Variants in MBD5 observed in about 807,000 individuals in gnomAD.
MBD5 encodes the protein methyl-CpG binding domain protein 5, also known as methyl-CpG-binding domain protein 5.
MBD5 carries 13 observed loss-of-function variants against 117.3 expected under a neutral mutation model. The observed-to-expected ratio is 0.11, with a 90% CI of 0.07 to 0.18. The LOEUF (loss-of-function observed/expected upper bound fraction) is 0.18, where lower values mean the gene tolerates loss of function less well. Ranked by LOEUF, MBD5 falls within the 10% of genes least tolerant of loss-of-function variation. The probability of loss-of-function intolerance (pLI) is 1.00; values close to 1 mark genes in which losing one functional copy is unlikely to be tolerated. For synonymous variants in MBD5, 727 were observed against 766.4 expected, an observed-to-expected ratio of 0.95 and a Z score of 0.85; for missense variants, 1,879 against 2,093.8, an observed-to-expected ratio of 0.90 and a Z score of 2.00.
rs960232228 is a variant in MBD5, at chr2:148,021,671, G to A, written c.-938G>A. 1 of 387,028 alleles carries A rather than the reference G, an allele frequency of 2.6e-6. No homozygotes were observed. Among genetic ancestry groups the A allele is most frequent in the African/African-American group, 2.1e-5 (1 of 47,704 alleles). 24.0% of individuals were successfully genotyped at this position (387,028 alleles called of 1,614,324 possible). ...AGCTCCAGGGAAGGCACTCAAAAGT[G>A]GGGGGCAGGAAAGGTAAGTGTGTCT... On this transcript the variant is annotated 5_prime_UTR_variant, in exon 1 of 14. Transcript: ENST00000642680.
intron 2 of MBD5, among the ~76,000 whole-genome samples, chr2:148,189,035 T>C (rs376713963): frequency 0.012 from 1,721 of 144,936 alleles, 39 homozygotes; most frequent in African/African-American, 0.043. Flanking sequence ...ACCCGAATAT[T>C]GCGCTTTTCA....
intron 3 of MBD5, among the ~76,000 whole-genome samples, chr2:148,258,219 A>G (rs1454642289): frequency 6.6e-6 from 1 of 152,156 alleles, no homozygotes; most frequent in Non-Finnish European, 1.5e-5. Flanking sequence ...TGTAGTTTGT[A>G]ATGCCAAGCC....
chr2:148,278,952 C>G (rs189795176), intron 3 of MBD5, among the ~76,000 whole-genome samples: 96 of 152,320 alleles, frequency 6.3e-4, no homozygotes, highest in African/African-American at 1.7e-3. Context: ...GGTGTCATGA[C>G]TCCAGGAGAG....
At chr2:148,366,499 A>G (rs1299530471) in intron 4 of MBD5, among the ~76,000 whole-genome samples, 1 of 152,196 alleles carries the variant, frequency 6.6e-6, no homozygotes, top group Non-Finnish European at 1.5e-5. Context: ...AGAGAAAGAA[A>G]TAAAGGGTAT....
At chr2:148,235,913 C>T (rs1037322068) in intron 3 of MBD5, among the ~76,000 whole-genome samples, 1 of 152,120 alleles carries the variant, frequency 6.6e-6, no homozygotes, top group Non-Finnish European at 1.5e-5. Flanking sequence ...ATTCTCCCAC[C>T]TCAGCCTCCC....
intron 1 of MBD5, among the ~76,000 whole-genome samples, chr2:148,038,770 G>A (rs1694271584): frequency 6.6e-6 from 1 of 151,896 alleles, no homozygotes. Context: ...TTATCTTACT[G>A]TCCATTGTAT....
At chr2:148,197,807 T>TTG (rs1553483832) in intron 2 of MBD5, among the ~76,000 whole-genome samples, 1 of 102,332 alleles carries the variant, frequency 9.8e-6, no homozygotes, top group East Asian at 2.8e-4. Flanking sequence ...TTTTTTTTTG[T>TTG]TTTTTTTTTT....
intron 8 of MBD5, 187 bp downstream of exon 8, chr2:148,470,648 G>T: frequency 1.8e-6 from 1 of 551,600 alleles, no homozygotes; most frequent in Non-Finnish European, 3.1e-6. Flanking sequence ...AAGATTAACA[G>T]CTAAGAGGAT....
intron 2 of MBD5, among the ~76,000 whole-genome samples, chr2:148,180,343 C>CATATATATATAT (rs70992196): frequency 0.05 from 5,215 of 105,352 alleles, 234 homozygotes; most frequent in Admixed American, 0.052. Context: ...AAAAATTATA[C>CATATATATATAT]ATATATATAT....
At chr2:148,465,244 A>G (rs755058330) in intron 7 of MBD5, among the ~76,000 whole-genome samples, 1 of 152,104 alleles carries the variant, frequency 6.6e-6, no homozygotes, top group Admixed American at 6.6e-5. Context: ...AGTTTATCCC[A>G]TTTTGATAAC....
At chr2:148,433,376 T>C (rs1423910601) in intron 4 of MBD5, among the ~76,000 whole-genome samples, 2 of 152,152 alleles carry the variant, frequency 1.3e-5, no homozygotes, top group East Asian at 1.9e-4. Flanking sequence ...GGCCAGGACT[T>C]CCAGTACTAT....
chr2:148,055,281 A>G (rs568810933), intron 1 of MBD5: 7 of 152,116 alleles, frequency 4.6e-5, no homozygotes, highest in African/African-American at 1.7e-4. Flanking sequence ...TAAGTTTTAA[A>G]GCTTTATCTT....
rs538163552 is a variant in MBD5 at position 148,200,607 on chromosome 2, G to A, written c.-831+21814G>A. Among the ~76,000 whole-genome samples, 11 of 151,852 alleles carry A rather than the reference G, an allele frequency of 7.2e-5. No individual in the cohort carries two copies. In the East Asian group the frequency reaches 2.1e-3, roughly 30 times the overall value. On this transcript the variant is annotated intron_variant, in intron 2 of 13. Coordinates refer to ENST00000642680, the MANE Select transcript of MBD5 (RefSeq NM_001378120.1). ...ACTCGGGAGGCTGAGACGGGAGAAT[G>A]GCGTGAGCCTAGGAGGCAGAGCTTG...
At chr2:148,172,527 A>G (rs976084093) in intron 1 of MBD5, among the ~76,000 whole-genome samples, 2 of 152,120 alleles carry the variant, frequency 1.3e-5, no homozygotes, top group Non-Finnish European at 2.9e-5. Flanking sequence ...CCTCCACAGG[A>G]ATAGCCTGGC....
chr2:148,225,418 C>G (rs185458830), intron 2 of MBD5, among the ~76,000 whole-genome samples: 148 of 152,056 alleles, frequency 9.7e-4, no homozygotes, highest in African/African-American at 1.7e-3. Context: ...GTCTTGAAAA[C>G]TTGTTATGGT....
intron 4 of MBD5, among the ~76,000 whole-genome samples, chr2:148,438,102 A>G (rs1379281890): frequency 6.6e-6 from 1 of 152,160 alleles, no homozygotes; most frequent in Admixed American, 6.5e-5. Context: ...ATGAATTAGA[A>G]CTCTCTAAAA....
At chr2:148,449,436 G>A (rs192207620) in intron 4 of MBD5, among the ~76,000 whole-genome samples, 182 of 152,098 alleles carry the variant, frequency 1.2e-3, no homozygotes, top group South Asian at 0.011. Flanking sequence ...TTATATGGGA[G>A]AATTACAAGG....
At chr2:148,117,948 T>A (rs1259324914) in intron 1 of MBD5, among the ~76,000 whole-genome samples, 1 of 152,224 alleles carries the variant, frequency 6.6e-6, no homozygotes, top group Non-Finnish European at 1.5e-5. Flanking sequence ...AAAGAGTTTT[T>A]GATCTGCTCC....
intron 1 of MBD5, among the ~76,000 whole-genome samples, chr2:148,038,043 A>G (rs1028561265): frequency 4.6e-5 from 7 of 151,980 alleles, no homozygotes; most frequent in African/African-American, 1.4e-4. Flanking sequence ...ATCAGGAGAA[A>G]GAGACCCAGA....
Sources: allele counts gnomAD v4.1 joint callset (sites outside exome capture counted in the v4.1 genomes callset), GRCh38; gene constraint gnomAD v4.1.1; transcripts MANE v1.5; gene names NCBI Gene and HGNC (gene_info 2026-07-23, HGNC 2026-07-21).